Variants in NCKAP5 observed in about 807,000 individuals in gnomAD.
The protein encoded by NCKAP5 is NCK associated protein 5, also known as nck-associated protein 5.
Under a neutral mutation model 167.0 loss-of-function variants are expected in NCKAP5, and 92 were observed. That is an observed-to-expected ratio of 0.55 (90% confidence interval 0.47 to 0.66). NCKAP5 has a LOEUF of 0.66. Among genes scored for constraint, NCKAP5 ranks in the 30% least tolerant of loss-of-function variants. The pLI, the probability that NCKAP5 is intolerant of heterozygous loss-of-function variation, is 0.00. For missense variants in NCKAP5, 2,378 were observed against 2,315.0 expected, an observed-to-expected ratio of 1.03 and a Z score of -0.56; for synonymous variants, 891 against 877.4, an observed-to-expected ratio of 1.02 and a Z score of -0.27.
At chr2:133,262,941 G>A (rs777630008) in intron 4 of NCKAP5, among the ~76,000 whole-genome samples, 15 of 152,158 alleles carry the variant, frequency 9.9e-5, no homozygotes, top group Non-Finnish European at 1.9e-4. Flanking sequence ...TTAGCCATCA[G>A]CACAGTGCTC....
the NCKAP5 span, among the ~76,000 whole-genome samples, chr2:133,651,140 T>C: frequency 6.6e-6 from 1 of 152,052 alleles, no homozygotes; most frequent in African/African-American, 2.4e-5. Context: ...ATACCAAAAA[T>C]ACAGGCAACA....
At chr2:133,239,531 A>G (rs1033066246) in intron 4 of NCKAP5, among the ~76,000 whole-genome samples, 1 of 152,154 alleles carries the variant, frequency 6.6e-6, no homozygotes, top group Non-Finnish European at 1.5e-5. Context: ...CTGTTATAGA[A>G]CTAGACTATA....
At chr2:133,323,428 C>T (rs1378866664) in intron 3 of NCKAP5, among the ~76,000 whole-genome samples, 1 of 152,184 alleles carries the variant, frequency 6.6e-6, no homozygotes, top group East Asian at 1.9e-4. Flanking sequence ...GGTTTTCCTC[C>T]TCATCCTTTG....
At chr2:133,130,358 A>G (rs540846069) in intron 5 of NCKAP5, among the ~76,000 whole-genome samples, 2 of 152,318 alleles carry the variant, frequency 1.3e-5, no homozygotes, top group East Asian at 3.9e-4. Context: ...AGGTGACTTA[A>G]TTCTAACACT....
chr2:133,198,225 AAG>A (rs1213797518), intron 5 of NCKAP5, among the ~76,000 whole-genome samples: 7 of 152,140 alleles, frequency 4.6e-5, no homozygotes, highest in African/African-American at 1.7e-4. Flanking sequence ...ACAGGAGAAA[AAG>A]TGTGGTGCAA....
intron 4 of NCKAP5, among the ~76,000 whole-genome samples, chr2:133,221,804 C>A (rs1337141728): frequency 1.3e-5 from 2 of 152,188 alleles, no homozygotes; most frequent in African/African-American, 4.8e-5. Context: ...TCTGTCCTCA[C>A]AAATATTTTA....
At chr2:132,690,836 C>G (rs925133830) in intron 19 of NCKAP5, among the ~76,000 whole-genome samples, 3 of 152,128 alleles carry the variant, frequency 2.0e-5, no homozygotes, top group Non-Finnish European at 4.4e-5. Flanking sequence ...CTAGCAGCAC[C>G]CACTTCTCCC....
intron 3 of NCKAP5, among the ~76,000 whole-genome samples, chr2:133,417,835 G>A (rs1689219758): frequency 6.6e-6 from 1 of 152,178 alleles, no homozygotes; most frequent in Non-Finnish European, 1.5e-5. Context: ...GTGACCAGCT[G>A]TCCGACATTT....
chr2:133,007,130 G>A (rs756271649), intron 6 of NCKAP5, among the ~76,000 whole-genome samples: 19 of 152,154 alleles, frequency 1.2e-4, no homozygotes, highest in Non-Finnish European at 2.4e-4. Context: ...GGAGCTCAGC[G>A]GAGGCCCTCT....
chr2:133,000,126 C>T (rs866775697), intron 6 of NCKAP5, among the ~76,000 whole-genome samples: 2 of 152,168 alleles, frequency 1.3e-5, no homozygotes, highest in South Asian at 4.1e-4. Flanking sequence ...CCGCCACATT[C>T]CCTTTGATTC....
At chr2:133,200,611 T>C (rs1178732085) in intron 5 of NCKAP5, among the ~76,000 whole-genome samples, 1 of 152,142 alleles carries the variant, frequency 6.6e-6, no homozygotes, top group African/African-American at 2.4e-5. Flanking sequence ...AAAAACCAAA[T>C]TGAAATTCTT....
intron 8 of NCKAP5, among the ~76,000 whole-genome samples, chr2:132,916,956 T>C (rs1310571588): frequency 6.6e-6 from 1 of 152,212 alleles, no homozygotes; most frequent in East Asian, 1.9e-4. Flanking sequence ...GCAAAATTGA[T>C]GGAAGTGCCA....
chr2:132,785,222 G>T lies in NCKAP5; in HGVS notation c.1589C>A (p.Pro530His). The change falls in exon 14 of 20, where the codon CCC (proline) becomes CAC (histidine). Residue 530 changes from proline to histidine, a missense_variant. Coordinates refer to ENST00000409261, the MANE Select transcript of NCKAP5 (RefSeq NM_207363.3). ...TGTCAGCTTTTCAGGCCTTTCCTTG[G>T]GATAAACTGAGGATGTGCCTTCCAG... is the stretch of plus-strand genomic sequence containing the variant. ...HFLEGTSSVY[P>H]KERPEKLTSC... 1 of 1,572,434 alleles carries T rather than the reference G, an allele frequency of 6.4e-7. No individual in the cohort carries two copies. Among genetic ancestry groups the T allele is most frequent in the Non-Finnish European group, 8.6e-7 (1 of 1,160,904 alleles).
intron 6 of NCKAP5, among the ~76,000 whole-genome samples, chr2:133,015,798 C>A (rs1013055292): frequency 2.6e-5 from 4 of 152,076 alleles, no homozygotes; most frequent in Admixed American, 6.6e-5. Context: ...CAGTAAGTAC[C>A]ATGAAAGAGG....
chr2:132,876,489 AGTTT>A (rs1299086768), intron 9 of NCKAP5, among the ~76,000 whole-genome samples: 1 of 152,244 alleles, frequency 6.6e-6, no homozygotes. Flanking sequence ...TTACCTTGTT[AGTTT>A]GTTTAATTAG....
At chr2:132,779,326 T>C (rs771155849) in intron 15 of NCKAP5, among the ~76,000 whole-genome samples, 97 of 152,320 alleles carry the variant, frequency 6.4e-4, no homozygotes, top group Non-Finnish European at 1.3e-3. Context: ...AGATATACCC[T>C]AGGCTGTCAG....
At chr2:132,929,906 T>C (rs1696229999) in intron 8 of NCKAP5, 1 of 152,208 alleles carries the variant, frequency 6.6e-6, no homozygotes, top group Admixed American at 6.5e-5. Context: ...GAAAAATTCT[T>C]CAGAGATACG....
chr2:133,232,031 T>C (rs1171054877), intron 4 of NCKAP5, among the ~76,000 whole-genome samples: 1 of 152,216 alleles, frequency 6.6e-6, no homozygotes, highest in Admixed American at 6.5e-5. Flanking sequence ...AGATATGTAG[T>C]GTATGTCATT....
intron 3 of NCKAP5, among the ~76,000 whole-genome samples, chr2:133,463,488 G>C (rs1294293214): frequency 6.6e-6 from 1 of 152,170 alleles, no homozygotes; most frequent in Non-Finnish European, 1.5e-5. Flanking sequence ...TTCAATTCCA[G>C]ATTATTTTCT....
Sources: allele counts gnomAD v4.1 joint callset (sites outside exome capture counted in the v4.1 genomes callset), GRCh38; gene constraint gnomAD v4.1.1; transcripts MANE v1.5; gene names NCBI Gene and HGNC (gene_info 2026-07-23, HGNC 2026-07-21).